The following MTRF1L variants were observed in gnomAD, a reference collection of about 807,000 sequenced individuals.
The protein encoded by MTRF1L is peptide chain release factor 1-like, mitochondrial.
A neutral mutation model predicts 40.0 loss-of-function variants in MTRF1L; 29 were observed. That is an observed-to-expected ratio of 0.73 (90% CI 0.54 to 0.99). The LOEUF (loss-of-function observed/expected upper bound fraction) is 0.99, where lower values mean the gene tolerates loss of function less well. Ranked by LOEUF, MTRF1L falls within the 50% of genes least tolerant of loss-of-function variation. MTRF1L has a pLI of 0.00. For synonymous variants in MTRF1L, 150 were observed against 175.8 expected, an observed-to-expected ratio of 0.85 and a Z score of 1.16; for missense variants, 412 against 464.5, an observed-to-expected ratio of 0.89 and a Z score of 1.04.
chr6:152,991,601 C>T (rs561844154), intron 5 of MTRF1L, among the ~76,000 whole-genome samples: 37 of 152,338 alleles, frequency 2.4e-4, no homozygotes, highest in Non-Finnish European at 5.0e-4. Context: ...GGCTGGAGTG[C>T]AGTGGCGCGA....
intron 5 of MTRF1L, among the ~76,000 whole-genome samples, chr6:152,992,454 A>C (rs558073899): frequency 6.6e-6 from 1 of 152,282 alleles, no homozygotes; most frequent in East Asian, 1.9e-4. Flanking sequence ...CAATGCTTTC[A>C]TATCATTTTT....
At position 152,993,060 on chromosome 6, in the gene MTRF1L, A is replaced by G; in HGVS notation, c.688-86T>C. 5.5e-6 allele frequency: 5 copies of G among 901,878 alleles called. No homozygotes were observed. In the Admixed American group the frequency reaches 7.6e-5, roughly 14 times the overall value. The allele number at this position is 901,878 out of a possible 1,614,324, so 55.9% of individuals were successfully genotyped here. ...AGCGACCCATTTATGAATATACAAC[A>G]TGTACAGAATTCATATATTTGGGAG... is the stretch of plus-strand genomic sequence containing the variant. On this transcript the variant is annotated intron_variant, in intron 4 of 6. Coordinates refer to ENST00000367233, the MANE Select transcript of MTRF1L (RefSeq NM_019041.7).
chr6:152,987,634 C>T lies in MTRF1L; in HGVS notation c.*2261G>A, dbSNP rs1204837099. 4.8e-5 allele frequency: 7 copies of T among 145,758 alleles called. No individual in the cohort carries two copies. Among genetic ancestry groups the T allele is most frequent in the African/African-American group, 7.7e-5 (3 of 38,868 alleles). 9.0% of individuals were successfully genotyped at this position (145,758 alleles called of 1,614,324 possible). A position where few individuals can be genotyped will look rare whatever the true frequency, so the allele number is the denominator to read the frequency against. On this transcript the variant is annotated 3_prime_UTR_variant, in exon 7 of 7. Coordinates refer to ENST00000367233, the MANE Select transcript of MTRF1L (RefSeq NM_019041.7). ...CCAGGTTTTAGCAATAAATCCAATG[C>T]GAGGAAGAGGAACGTAAGATGACAT...
At chr6:152,998,650 G>A (rs997338317) in intron 1 of MTRF1L, 21 bp from the exon 2 acceptor site, 1 of 1,547,090 alleles carries the variant, frequency 6.5e-7, no homozygotes, top group East Asian at 2.3e-5. Context: ...AAGGGCAGAA[G>A]TTAAGGTTTT....
intron 4 of MTRF1L, 48 bp downstream of exon 4, chr6:152,994,465 G>A (rs764986177): frequency 4.6e-6 from 7 of 1,511,408 alleles, no homozygotes; most frequent in Non-Finnish European, 5.3e-6. Context: ...CTGGGGACAA[G>A]GCACTGTGCT....
At chr6:152,990,965 A>G (rs1778488906) in intron 6 of MTRF1L, among the ~76,000 whole-genome samples, 1 of 152,204 alleles carries the variant, frequency 6.6e-6, no homozygotes, top group East Asian at 1.9e-4. Context: ...ATATATCTTT[A>G]TTTTTAGTAA....
chr6:152,989,252 G>T lies in MTRF1L; in HGVS notation c.*643C>A, dbSNP rs1198688517. 14 of 56,512 alleles carry T rather than the reference G, an allele frequency of 2.5e-4. 7 individuals carry two copies. The highest frequency in any genetic ancestry group is 9.6e-4 in the African/African-American group (4 of 4,152). The allele number at this position is 56,512 out of a possible 1,614,324, so 3.5% of individuals were successfully genotyped here. ...AAAATTATCCCTGTTCAAGTTAATG[G>T]TATGGTTTCTGTATCCTGACTGGAT... On this transcript the variant is annotated 3_prime_UTR_variant, in exon 7 of 7. Transcript: ENST00000367233.
intron 6 of MTRF1L, among the ~76,000 whole-genome samples, chr6:152,990,835 A>T (rs9479479): frequency 0.2 from 29,838 of 152,120 alleles, 3,045 homozygotes; most frequent in Non-Finnish European, 0.22. Context: ...AATAACAAAC[A>T]ACAACAACAA....
intron 2 of MTRF1L, among the ~76,000 whole-genome samples, chr6:152,996,222 T>C (rs1278928925): frequency 6.6e-6 from 1 of 152,182 alleles, no homozygotes; most frequent in East Asian, 1.9e-4. Flanking sequence ...AGAGCTAGAA[T>C]TGAACCTGAA....
chr6:152,994,934 G>T, intron 3 of MTRF1L: 3 of 705,776 alleles, frequency 4.3e-6, no homozygotes, highest in South Asian at 2.0e-5. Context: ...TTAGCAATTT[G>T]ATGGTTAGTA....
intron 3 of MTRF1L, chr6:152,994,935 A>G: frequency 1.4e-6 from 1 of 706,400 alleles, no homozygotes; most frequent in East Asian, 2.7e-5. Flanking sequence ...TAGCAATTTG[A>G]TGGTTAGTAT....
intron 1 of MTRF1L, among the ~76,000 whole-genome samples, chr6:153,001,773 C>T (rs569439310): frequency 1.3e-5 from 2 of 152,382 alleles, no homozygotes; most frequent in South Asian, 4.1e-4. Flanking sequence ...CCTCCCTGGC[C>T]TGTCAGCCAC....
At chr6:152,999,591 A>G (rs2038332) in intron 1 of MTRF1L, among the ~76,000 whole-genome samples, 33,358 of 152,080 alleles carry the variant, frequency 0.22, 3,779 homozygotes, top group Admixed American at 0.3. Flanking sequence ...TGTGGGAGGG[A>G]CCCAGTGAGA....
chr6:152,999,605 A>T (rs1380327247), intron 1 of MTRF1L, among the ~76,000 whole-genome samples: 1 of 152,212 alleles, frequency 6.6e-6, no homozygotes, highest in Admixed American at 6.5e-5. Flanking sequence ...AGTGAGAGGT[A>T]ACTGAATCAT....
intron 1 of MTRF1L, chr6:152,998,885 A>G (rs1398305421): frequency 1.7e-5 from 4 of 241,678 alleles, no homozygotes; most frequent in Non-Finnish European, 3.1e-5. Context: ...ACAAATTTCT[A>G]TAAAAATATA....
intron 5 of MTRF1L, among the ~76,000 whole-genome samples, chr6:152,992,313 G>T (rs1778555567): frequency 6.6e-6 from 1 of 152,170 alleles, no homozygotes. Context: ...ACAGTATACT[G>T]GAGATTTCGA....
chr6:152,994,511 A>T lies in MTRF1L; in HGVS notation c.687+2T>A, dbSNP rs749428920. ...TTCCAAGGAGAGGGGCTTATGCCTT[A>T]CCTCAGTAGGCTGGGGTAATATTGC... is the stretch of plus-strand genomic sequence containing the variant. On this transcript the variant is annotated splice_donor_variant, in intron 4 of 6. Coordinates refer to ENST00000367233, the MANE Select transcript of MTRF1L (RefSeq NM_019041.7). LOFTEE classifies it high-confidence loss of function. The T allele has an allele frequency of 2.5e-6, 4 of 1,607,004 alleles. No individual in the cohort carries two copies. The Admixed American group carries it at 5.0e-5, about 20-fold the overall frequency.
intron 6 of MTRF1L, chr6:152,990,350 G>A (rs181022404): frequency 6.2e-6 from 3 of 485,944 alleles, no homozygotes; most frequent in Non-Finnish European, 3.6e-6. Context: ...TTAGTTTCCC[G>A]ATCTGCAAAA....
chr6:152,997,244 T>C (rs1778744625), intron 2 of MTRF1L, among the ~76,000 whole-genome samples: 1 of 152,140 alleles, frequency 6.6e-6, no homozygotes, highest in Non-Finnish European at 1.5e-5. Context: ...AATTATCTTA[T>C]TCATGCCCTA....
Sources: gnomAD v4.1 joint callset for allele counts (sites outside exome capture counted in the v4.1 genomes callset) on GRCh38, gnomAD v4.1.1 for gene constraint, MANE v1.5 for transcripts, NCBI Gene and HGNC (gene_info 2026-07-23, HGNC 2026-07-21) for gene names.